The following ORC3 variants were observed in gnomAD, a reference collection of about 807,000 sequenced individuals.
ORC3 encodes origin recognition complex subunit 3.
Under a neutral mutation model 100.7 loss-of-function variants are expected in ORC3, and 78 were observed. The observed-to-expected ratio is 0.77, with a 90% confidence interval of 0.65 to 0.94. The LOEUF (loss-of-function observed/expected upper bound fraction) is 0.94, where lower values mean the gene tolerates loss of function less well. Ranked by LOEUF, ORC3 falls within the 40% of genes least tolerant of loss-of-function variation. The probability of loss-of-function intolerance (pLI) is 0.00; values close to 1 mark genes in which losing one functional copy is unlikely to be tolerated. For synonymous variants in ORC3, 295 were observed against 289.3 expected (o/e 1.02, Z -0.20); for missense variants, 789 against 823.9 (o/e 0.96, Z 0.52).
chr6:87,656,592 A>C (rs532338123), intron 14 of ORC3, among the ~76,000 whole-genome samples: 1 of 152,228 alleles, frequency 6.6e-6, no homozygotes, highest in East Asian at 1.9e-4. Flanking sequence ...ATCTGAAAAA[A>C]AAAAATTTTT....
chr6:87,621,912 A>G, intron 10 of ORC3, 38 bp from the exon 11 acceptor site: 1 of 1,447,354 alleles, frequency 6.9e-7, no homozygotes, highest in Non-Finnish European at 9.6e-7. Flanking sequence ...TGAATGTTTA[A>G]TTTTCTCTTT....
intron 5 of ORC3, among the ~76,000 whole-genome samples, chr6:87,606,679 G>GC (rs1219549981): frequency 6.6e-6 from 1 of 152,104 alleles, no homozygotes; most frequent in Non-Finnish European, 1.5e-5. Context: ...ACAGGTGCAT[G>GC]CCATTACGCT....
In ORC3 at chr6:87,653,222, T is replaced by C. The variant is rs775035909; in HGVS notation, c.1489T>C (p.Phe497Leu). Reference sequence around the variant, plus strand: ...CAGCACAGCTAAGAGAATAGAGGAGTTCCTGGCCCAGTTTCAGAGCCTCGA... The same window carrying C: ...CAGCACAGCTAAGAGAATAGAGGAGCTCCTGGCCCAGTTTCAGAGCCTCGA... ...LGSTAKRIEE[F>L]LAQFQSLDET... is the part of the protein sequence containing the mutation. The change falls in exon 14 of 20, where the codon TTC becomes CTC. Residue 497 changes from phenylalanine (F) to leucine (L), a missense_variant. Coordinates refer to ENST00000392844, the MANE Select transcript of ORC3 (RefSeq NM_012381.4). 5.5e-5 allele frequency: 88 copies of C among 1,613,452 alleles called. No homozygotes were observed. The South Asian group carries it at 8.7e-4, about 16-fold the overall frequency.
chr6:87,609,234 A>G lies in ORC3; in HGVS notation c.713+5A>G, dbSNP rs756619937. The G allele has an allele frequency of 6.3e-7, 1 of 1,581,750 alleles. No individual in the cohort carries two copies. Among genetic ancestry groups the G allele is most frequent in the Non-Finnish European group, 8.6e-7 (1 of 1,168,890 alleles). ...AGACTTCATAATTATCAGCAGGTAGATGGTGTATTACCTGGCTTTTATGAA... is the reference window on the plus strand; with the variant it reads ...AGACTTCATAATTATCAGCAGGTAGGTGGTGTATTACCTGGCTTTTATGAA... On this transcript the variant is annotated splice_donor_5th_base_variant and intron_variant, in intron 7 of 19. Transcript: ENST00000392844.
intron 11 of ORC3, among the ~76,000 whole-genome samples, chr6:87,625,572 T>C (rs1042424261): frequency 2.6e-5 from 4 of 152,216 alleles, no homozygotes; most frequent in African/African-American, 9.6e-5. Context: ...GTTTAACTTA[T>C]TTGTAGATTC....
At chr6:87,598,686 T>C (rs1047382369) in intron 2 of ORC3, among the ~76,000 whole-genome samples, 1 of 151,944 alleles carries the variant, frequency 6.6e-6, no homozygotes, top group African/African-American at 2.4e-5. Flanking sequence ...TATGTGGCTC[T>C]AAGACCAACG....
intron 13 of ORC3, among the ~76,000 whole-genome samples, chr6:87,647,063 C>T (rs557437889): frequency 6.6e-6 from 1 of 152,362 alleles, no homozygotes; most frequent in African/African-American, 2.4e-5. Context: ...CGTTGCTCAC[C>T]TGTATTATTG....
At chr6:87,603,046 C>G (rs917000012) in intron 3 of ORC3, among the ~76,000 whole-genome samples, 1 of 146,484 alleles carries the variant, frequency 6.8e-6, no homozygotes, top group African/African-American at 2.5e-5. Context: ...GTGGCATGAT[C>G]ATAGCTTACT....
At chr6:87,631,428 A>G (rs1767401052) in intron 11 of ORC3, among the ~76,000 whole-genome samples, 1 of 152,186 alleles carries the variant, frequency 6.6e-6, no homozygotes, top group African/African-American at 2.4e-5. Flanking sequence ...TATGGAAAGT[A>G]GGGTTAATAT....
intron 11 of ORC3, among the ~76,000 whole-genome samples, chr6:87,634,163 A>ATCCCTCATGTCAT (rs1250365397): frequency 1.3e-5 from 2 of 152,272 alleles, no homozygotes; most frequent in East Asian, 3.9e-4. Flanking sequence ...TTAAGACACT[A>ATCCCTCATGTCAT]TCCCTCATGT....
intron 7 of ORC3, among the ~76,000 whole-genome samples, chr6:87,610,010 G>A (rs879721447): frequency 2.6e-5 from 4 of 152,010 alleles, no homozygotes; most frequent in African/African-American, 4.8e-5. Flanking sequence ...ATTGCATTGC[G>A]TCTTCAAAGC....
chr6:87,614,161 A>C (rs1471112628), intron 8 of ORC3, among the ~76,000 whole-genome samples: 1 of 152,186 alleles, frequency 6.6e-6, no homozygotes, highest in Non-Finnish European at 1.5e-5. Context: ...CCCACACCCC[A>C]GTTCTGTGCA....
intron 8 of ORC3, among the ~76,000 whole-genome samples, chr6:87,615,033 A>T (rs1583045652): frequency 1.3e-5 from 2 of 152,322 alleles, no homozygotes; most frequent in East Asian, 3.9e-4. Flanking sequence ...ATAAAGACAT[A>T]GGCGAGACTG....
chr6:87,593,071 C>T (rs528634510), intron 1 of ORC3, among the ~76,000 whole-genome samples: 337 of 152,078 alleles, frequency 2.2e-3, no homozygotes, highest in Non-Finnish European at 3.4e-3. Context: ...CCAGCCTGGA[C>T]GACAGAGCGA....
chr6:87,656,323 C>T (rs867286604), intron 14 of ORC3, among the ~76,000 whole-genome samples: 1 of 152,294 alleles, frequency 6.6e-6, no homozygotes. Flanking sequence ...CATGGTGGCT[C>T]GTGCCTGTAA....
At position 87,590,211 on chromosome 6, in the gene ORC3, G is replaced by T; in HGVS notation, c.24+19G>T. 6.2e-7 allele frequency: 1 copy of T among 1,612,138 alleles called. No homozygotes were observed. The highest frequency in any genetic ancestry group is 8.5e-7 in the Non-Finnish European group (1 of 1,178,136). On this transcript the variant is annotated intron_variant, in intron 1 of 19. Transcript: ENST00000392844. ...GTCTAAGGTATGTGGTGGCCGATGC[G>T]CACTGTGGCTCTACCGCTGCCTCAT...
the ORC3 span, among the ~76,000 whole-genome samples, chr6:87,676,953 T>C: frequency 6.6e-6 from 1 of 151,682 alleles, no homozygotes; most frequent in Non-Finnish European, 1.5e-5. Context: ...GGTAGGTGCC[T>C]GTAGTCCCAG....
chr6:87,606,108 C>CT, intron 5 of ORC3, 87 bp downstream of exon 5: 2 of 793,196 alleles, frequency 2.5e-6, no homozygotes, highest in Non-Finnish European at 4.3e-6. Context: ...TTCTTTATCC[C>CT]TTTTTTTGGT....
At chr6:87,676,599 A>ACACGCACGCGCGCG in the ORC3 span, among the ~76,000 whole-genome samples, 337 of 25,054 alleles carry the variant, frequency 0.013, 3 homozygotes, top group African/African-American at 0.025. Flanking sequence ...TACTAAAAAC[A>ACACGCACGCGCGCG]CACACACACA....
Sources: gnomAD v4.1 joint callset for allele counts (sites outside exome capture counted in the v4.1 genomes callset) on GRCh38, gnomAD v4.1.1 for gene constraint, MANE v1.5 for transcripts, NCBI Gene and HGNC (gene_info 2026-07-23, HGNC 2026-07-21) for gene names.